The following GLOD4 variants were observed in gnomAD, a reference collection of about 807,000 sequenced individuals.
The protein encoded by GLOD4 is glyoxalase domain containing 4.
Under a neutral mutation model 39.1 loss-of-function variants are expected in GLOD4, and 44 were observed. The observed-to-expected ratio is 1.13, with a 90% confidence interval of 0.88 to 1.45. GLOD4 has a LOEUF of 1.45. Among genes scored for constraint, GLOD4 ranks in the 40% most tolerant of loss-of-function variants. The probability of loss-of-function intolerance (pLI) is 0.00; values close to 1 mark genes in which losing one functional copy is unlikely to be tolerated. For synonymous variants in GLOD4, 145 were observed against 135.0 expected (o/e 1.07, Z -0.52); for missense variants, 405 against 366.4 (o/e 1.11, Z -0.86).
At chr17:769,837 C>G (rs1335487305) in intron 8 of GLOD4, 32 bp downstream of exon 8, 1 of 1,217,748 alleles carries the variant, frequency 8.2e-7, no homozygotes, top group Non-Finnish European at 1.2e-6. Flanking sequence ...CTCTCAGGCC[C>G]ATGGTGACAT....
chr17:775,693 A>C, intron 4 of GLOD4, 82 bp downstream of exon 4: 2 of 1,149,958 alleles, frequency 1.7e-6, no homozygotes, highest in Admixed American at 2.0e-5. Context: ...CAGACTCTAC[A>C]AAAAAAAGAC....
Position 767,949 on chromosome 17 carries a change from G to A in GLOD4, c.831+1920C>T, listed in dbSNP as rs1429422067. Among the ~76,000 whole-genome samples the A allele has an allele frequency of 2.7e-5, 4 of 145,460 alleles. 1 individual carries two copies. Among genetic ancestry groups the A allele is most frequent in the African/African-American group, 7.7e-5 (3 of 39,004 alleles). On this transcript the variant is annotated intron_variant, in intron 8 of 8. Transcript: ENST00000301329. The stretch of plus-strand genomic sequence containing the variant: ...AAAAATCTGGAGAGGACGTAAGAGA[G>A]AGAAACAGCGCGCACTCAGATTTTT...
intron 6 of GLOD4, 79 bp downstream of exon 6, chr17:770,342 C>T (rs1214649068): frequency 2.4e-6 from 2 of 833,116 alleles, no homozygotes; most frequent in African/African-American, 3.3e-5. Context: ...AAAAGGACCT[C>T]AAGAAGGGAA....
At chr17:780,941 A>C (rs1363067008) in intron 1 of GLOD4, among the ~76,000 whole-genome samples, 1 of 122,258 alleles carries the variant, frequency 8.2e-6, no homozygotes, top group Non-Finnish European at 1.6e-5. Context: ...TTTTTTTGAG[A>C]CGGAGTTTTG....
At position 775,987 on chromosome 17, in the gene GLOD4, C is replaced by G. The variant is rs1252132581; in HGVS notation, c.262-68G>C. 3.1e-6 allele frequency: 4 copies of G among 1,306,332 alleles called. No individual in the cohort carries two copies. In the African/African-American group the frequency reaches 5.8e-5, roughly 19 times the overall value. The allele number at this position is 1,306,332 out of a possible 1,614,324, so 80.9% of individuals were successfully genotyped here. A position where few individuals can be genotyped will look rare whatever the true frequency, so the allele number is the denominator to read the frequency against. On this transcript the variant is annotated intron_variant, in intron 3 of 8. Transcript: ENST00000301329. ...ATATTTTACAGAACAAGACAATGAG[C>G]CCAACCCCTATTGCCTACTGCCTTT...
intron 8 of GLOD4, among the ~76,000 whole-genome samples, chr17:762,230 G>C (rs1905583605): frequency 6.6e-6 from 1 of 152,210 alleles, no homozygotes; most frequent in East Asian, 1.9e-4. Flanking sequence ...AAAAGTGACT[G>C]TCTGTAAATC....
intron 2 of GLOD4, chr17:778,172 G>A (rs11656189): frequency 0.018 from 3,005 of 171,594 alleles, 53 homozygotes; most frequent in East Asian, 0.072. Context: ...TGTTTCCAGC[G>A]TTTCCCTTAG....
chr17:767,782 G>A lies in GLOD4; in HGVS notation c.831+2087C>T, dbSNP rs557389688. 3.4e-5 allele frequency among the ~76,000 whole-genome samples: 5 copies of A among 148,360 alleles called. No homozygotes were observed. The East Asian group carries it at 8.0e-4, about 24-fold the overall frequency. ...TAGAAGAAATCTGGAGAGGATGTGA[G>A]AGAGAGAAACAGCGCGCACTCAGAT... On this transcript the variant is annotated intron_variant, in intron 8 of 8. Coordinates refer to ENST00000301329, the MANE Select transcript of GLOD4 (RefSeq NM_016080.4).
upstream of GLOD4, chr17:783,119 G>A (rs1479713687): frequency 6.2e-7 from 1 of 1,613,970 alleles, no homozygotes; most frequent in Admixed American, 1.7e-5. Flanking sequence ...GGCCATTTCG[G>A]GAAAAACAAG....
At chr17:783,130 G>C, upstream of GLOD4, 1 of 1,614,084 alleles carries the variant, frequency 6.2e-7, no homozygotes, top group Non-Finnish European at 8.5e-7. Flanking sequence ...GAAAAACAAG[G>C]GAAGATCCTG....
upstream of GLOD4, chr17:782,622 C>T (rs767820053): frequency 1.9e-6 from 3 of 1,613,900 alleles, no homozygotes; most frequent in African/African-American, 1.3e-5. Flanking sequence ...GTCCGCATCC[C>T]GCGCTCCCAG....
intron 2 of GLOD4, 113 bp from the exon 3 acceptor site, chr17:777,101 C>A: frequency 1.0e-6 from 1 of 1,001,084 alleles, no homozygotes; most frequent in Non-Finnish European, 1.5e-6. Flanking sequence ...CCTAAAAGTT[C>A]TCTTAAGGAT....
intron 8 of GLOD4, among the ~76,000 whole-genome samples, chr17:768,390 A>T: frequency 8.2e-6 from 1 of 121,864 alleles, no homozygotes; most frequent in African/African-American, 3.2e-5. Flanking sequence ...GAGAGGACGT[A>T]AGAGAGAGAA....
At chr17:782,679 G>T (rs772456162), upstream of GLOD4, 3 of 1,603,194 alleles carry the variant, frequency 1.9e-6, no homozygotes, top group Non-Finnish European at 2.6e-6. Flanking sequence ...TTATCCCGGG[G>T]ACAGGAGGCT....
intron 4 of GLOD4, among the ~76,000 whole-genome samples, chr17:773,733 T>C (rs765334823): frequency 7.9e-5 from 12 of 152,300 alleles, no homozygotes; most frequent in East Asian, 1.9e-4. Flanking sequence ...AACAGCAATA[T>C]TGGGATTAAG....
chr17:783,099 G>A, upstream of GLOD4: 1 of 1,613,016 alleles, frequency 6.2e-7, no homozygotes, highest in Non-Finnish European at 8.5e-7. Context: ...AATGACAATA[G>A]TAAAGTCCAG....
intron 8 of GLOD4, among the ~76,000 whole-genome samples, chr17:765,635 A>G (rs971261990): frequency 8.1e-5 from 12 of 148,734 alleles, no homozygotes; most frequent in Middle Eastern, 3.5e-3. Flanking sequence ...TTCAAGAGAC[A>G]GGGTTTCACC....
At chr17:771,865 T>C (rs1907995010) in intron 4 of GLOD4, among the ~76,000 whole-genome samples, 1 of 151,838 alleles carries the variant, frequency 6.6e-6, no homozygotes, top group Non-Finnish European at 1.5e-5. Context: ...TAAAAAAAAT[T>C]AGCTGGGCGT....
At position 759,992 on chromosome 17, in the gene GLOD4, T is replaced by G. The variant is rs1905185700; in HGVS notation, c.*181A>C. ...GGCGTTCTCTACCTGGACTCATGAT[T>G]GGATTTCATTTCTAAATTACATCAG... On this transcript the variant is annotated 3_prime_UTR_variant, in exon 9 of 9. Transcript: ENST00000301329. 1 of 595,996 alleles carries G rather than the reference T, an allele frequency of 1.7e-6. No individual in the cohort carries two copies. Among genetic ancestry groups the G allele is most frequent in the Non-Finnish European group, 3.0e-6 (1 of 333,786 alleles). 36.9% of individuals were successfully genotyped at this position (595,996 alleles called of 1,614,324 possible).
Sources: gnomAD v4.1 joint callset for allele counts (sites outside exome capture counted in the v4.1 genomes callset) on GRCh38, gnomAD v4.1.1 for gene constraint, MANE v1.5 for transcripts, NCBI Gene and HGNC (gene_info 2026-07-23, HGNC 2026-07-21) for gene names.